USH1C: variants seen among roughly 807,000 people sequenced by gnomAD.
The protein encoded by USH1C is USH1 protein network component harmonin.
Under a neutral mutation model 119.3 loss-of-function variants are expected in USH1C, and 90 were observed. That is an observed-to-expected ratio of 0.75 (90% CI 0.64 to 0.90). The LOEUF (loss-of-function observed/expected upper bound fraction) is 0.90. Ranked by LOEUF, USH1C falls within the 40% of genes least tolerant of loss-of-function variation. The pLI, the probability that USH1C is intolerant of heterozygous loss-of-function variation, is 0.00. For missense variants in USH1C, 1,165 were observed against 1,167.7 expected (o/e 1.00, Z 0.03); for synonymous variants, 465 against 443.3 (o/e 1.05, Z -0.62).
chr11:17,515,729 C>T (rs1052974998), intron 15 of USH1C, among the ~76,000 whole-genome samples: 6 of 152,170 alleles, frequency 3.9e-5, no homozygotes, highest in Non-Finnish European at 7.3e-5. Context: ...TGGAAAAATG[C>T]ATTATCCTGG....
chr11:17,500,290 C>T (rs1849386841), intron 23 of USH1C, among the ~76,000 whole-genome samples: 1 of 152,236 alleles, frequency 6.6e-6, no homozygotes, highest in East Asian at 1.9e-4. Context: ...GACAGTAAAG[C>T]AAAATGACCA....
At chr11:17,521,211 A>C (rs1304241585) in intron 13 of USH1C, 135 bp downstream of exon 13, 1 of 1,092,336 alleles carries the variant, frequency 9.2e-7, no homozygotes, top group African/African-American at 1.5e-5. Context: ...GACAGGCTTT[A>C]CTACAAATAA....
chr11:17,544,338 C>T lies in USH1C; in HGVS notation c.-31G>A, dbSNP rs374794188. On this transcript the variant is annotated 5_prime_UTR_variant, in exon 1 of 27. The change creates a new upstream start codon in the 5' untranslated region. Transcript: ENST00000005226. The stretch of plus-strand genomic sequence containing the variant: ...GGCCAGGTCCAGCTGCGTCGTTGCA[C>T]GACCCGTTCCTTCGGGTGCCCGGCT... 3 of 1,613,806 alleles carry T rather than the reference C, an allele frequency of 1.9e-6. No individual in the cohort carries two copies. Among genetic ancestry groups the T allele is most frequent in the East Asian group, 2.2e-5 (1 of 44,866 alleles).
chr11:17,527,747 C>T (rs975835400), intron 4 of USH1C, among the ~76,000 whole-genome samples: 3 of 152,186 alleles, frequency 2.0e-5, no homozygotes, highest in African/African-American at 4.8e-5. Context: ...CCCAACCCAC[C>T]CCTAGGAAGT....
chr11:17,529,018 G>C (rs190184224), intron 4 of USH1C, among the ~76,000 whole-genome samples: 1 of 152,222 alleles, frequency 6.6e-6, no homozygotes, highest in African/African-American at 2.4e-5. Context: ...TTTGAAGTCA[G>C]GTCTCCCTGA....
chr11:17,530,369 C>G (rs914685368), intron 4 of USH1C, among the ~76,000 whole-genome samples: 1 of 152,244 alleles, frequency 6.6e-6, no homozygotes, highest in African/African-American at 2.4e-5. Flanking sequence ...GATTTCTGGG[C>G]TTGGCAGTCA....
intron 20 of USH1C, 24 bp from the exon 21 acceptor site, chr11:17,502,004 G>A (rs754767141): frequency 1.2e-6 from 2 of 1,612,784 alleles, no homozygotes; most frequent in South Asian, 2.2e-5. Context: ...GAGGGCTTTA[G>A]GGCAACACAG....
intron 5 of USH1C, 54 bp from the exon 6 acceptor site, chr11:17,527,094 C>CCCCCCCCCTGGGGA: frequency 2.8e-6 from 4 of 1,445,046 alleles, no homozygotes; most frequent in South Asian, 1.3e-5. Flanking sequence ...CCCTCCCTCC[C>CCCCCCCCCTGGGGA]ACCGTCATGG....
At chr11:17,536,737 C>G (rs1246967591) in intron 1 of USH1C, among the ~76,000 whole-genome samples, 1 of 152,256 alleles carries the variant, frequency 6.6e-6, no homozygotes, top group Non-Finnish European at 1.5e-5. Flanking sequence ...TGCAGTGGAA[C>G]AGATCCTTCC....
chr11:17,523,397 G>C, intron 10 of USH1C, 22 bp downstream of exon 10: 1 of 1,614,186 alleles, frequency 6.2e-7, no homozygotes, highest in Non-Finnish European at 8.5e-7. Context: ...AGGGCCAACA[G>C]GTGAAGACCC....
In USH1C at chr11:17,531,410, G is replaced by A; in HGVS notation, c.237C>T (p.Pro79=). The part of the protein sequence containing the change: ...KHQVEYDQLT[P]RRSRKLKEVR... Reference sequence around the variant, plus strand: ...GGCTTCCTCTGCACCTGGAGCGCCGGGGGGTCAGCTGATCATATTCCACCT... The same window carrying A: ...GGCTTCCTCTGCACCTGGAGCGCCGAGGGGTCAGCTGATCATATTCCACCT... Residue 79 remains proline (P), a synonymous_variant, in exon 3 of 27, where the codon CCC becomes CCT. Coordinates refer to ENST00000005226, the MANE Select transcript of USH1C (RefSeq NM_153676.4). This position sits in a 1 kb window ranked among gnomAD's most constrained non-coding sequence, Gnocchi z 4.2. 3 of 1,613,904 alleles carry A rather than the reference G, an allele frequency of 1.9e-6. No individual in the cohort carries two copies. The highest frequency in any genetic ancestry group is 2.5e-6 in the Non-Finnish European group (3 of 1,179,920).
intron 12 of USH1C, 98 bp downstream of exon 12, chr11:17,522,686 G>A (rs1850464229): frequency 1.3e-6 from 2 of 1,570,274 alleles, no homozygotes; most frequent in Admixed American, 1.7e-5. Flanking sequence ...GGAGGAGGAG[G>A]AAGTTGGCTG....
chr11:17,520,795 G>A, intron 14 of USH1C, 75 bp downstream of exon 14: 3 of 1,553,520 alleles, frequency 1.9e-6, no homozygotes, highest in Non-Finnish European at 2.7e-6. Flanking sequence ...CATCTAGGAG[G>A]TGGTGGTGAG....
chr11:17,498,085 T>A, intron 24 of USH1C, 77 bp downstream of exon 24: 1 of 1,361,274 alleles, frequency 7.3e-7, no homozygotes, highest in East Asian at 2.3e-5. Flanking sequence ...GGCATCCTAT[T>A]GTGAGACCTG....
intron 23 of USH1C, among the ~76,000 whole-genome samples, chr11:17,498,756 G>A (rs919248042): frequency 2.0e-5 from 3 of 152,196 alleles, no homozygotes; most frequent in Non-Finnish European, 1.5e-5. Flanking sequence ...CCGCTCAGTC[G>A]AATGTAGATC....
At chr11:17,515,835 G>A (rs556153562) in intron 15 of USH1C, among the ~76,000 whole-genome samples, 17 of 152,308 alleles carry the variant, frequency 1.1e-4, no homozygotes, top group Admixed American at 2.0e-4. Context: ...GCCAGGCTGC[G>A]TCTGGCACAG....
At chr11:17,510,313 T>C in intron 17 of USH1C, 92 bp downstream of exon 17, 1 of 1,044,954 alleles carries the variant, frequency 9.6e-7, no homozygotes, top group Non-Finnish European at 1.5e-6. Context: ...GCTAGTGACG[T>C]TTGCTAGTTG....
At chr11:17,504,815 G>C (rs577407170) in intron 19 of USH1C, 118 bp from the exon 20 acceptor site, 1 of 1,029,758 alleles carries the variant, frequency 9.7e-7, no homozygotes, top group African/African-American at 1.6e-5. Flanking sequence ...GTCCCTCCCC[G>C]AGCAGTCTGG....
At chr11:17,506,383 G>C (rs1849649588) in intron 18 of USH1C, among the ~76,000 whole-genome samples, 1 of 152,212 alleles carries the variant, frequency 6.6e-6, no homozygotes. Flanking sequence ...GTCTCTAGGG[G>C]CCATGGGGTG....
Sources: allele counts gnomAD v4.1 joint callset (sites outside exome capture counted in the v4.1 genomes callset), GRCh38; gene constraint gnomAD v4.1.1; non-coding constraint Gnocchi (gnomAD v3.1); transcripts MANE v1.5; gene names NCBI Gene and HGNC (gene_info 2026-07-23, HGNC 2026-07-21).